CFTR: variants seen among roughly 807,000 people sequenced by gnomAD.
CFTR encodes the protein cystic fibrosis transmembrane conductance regulator.
CFTR carries 181 observed loss-of-function variants against 171.6 expected under a neutral mutation model. The observed-to-expected ratio is 1.05, with a 90% confidence interval of 0.93 to 1.19. CFTR has a LOEUF of 1.19. CFTR is among the 50% of genes most tolerant of loss of function. The pLI, the probability that CFTR is intolerant of heterozygous loss-of-function variation, is 0.00. For synonymous variants in CFTR, 583 were observed against 608.0 expected, an observed-to-expected ratio of 0.96 and a Z score of 0.60; for missense variants, 1,968 against 1,734.7, an observed-to-expected ratio of 1.13 and a Z score of -2.39.
At chr7:117,523,963 G>T (rs1429058436) in intron 3 of CFTR, among the ~76,000 whole-genome samples, 1 of 152,074 alleles carries the variant, frequency 6.6e-6, no homozygotes. Flanking sequence ...TTTCTCAGAA[G>T]CTTCTTTTTA....
chr7:117,485,273 G>A, intron 1 of CFTR, among the ~76,000 whole-genome samples: 1 of 152,124 alleles, frequency 6.6e-6, no homozygotes, highest in South Asian at 2.1e-4. Flanking sequence ...TTGTCAAAAC[G>A]TTAAAAACAT....
chr7:117,513,663 G>A lies in CFTR; in HGVS notation c.273+4521G>A, dbSNP rs35086442. ...CTCTCGGGAATTCTGTGCATAGAGA[G>A]CCTGTGGCTTAGGCACTTTGATTTA... On this transcript the variant is annotated intron_variant, in intron 3 of 26. Transcript: ENST00000003084. Among the ~76,000 whole-genome samples, 74 of 152,322 alleles carry A rather than the reference G, an allele frequency of 4.9e-4. No homozygotes were observed. The East Asian group carries it at 0.011, about 23-fold the overall frequency.
chr7:117,596,597 A>G (rs1317301043), intron 15 of CFTR, among the ~76,000 whole-genome samples: 5 of 152,196 alleles, frequency 3.3e-5, no homozygotes, highest in African/African-American at 1.2e-4. Context: ...GACTTGGAGG[A>G]TCTTTATGTC....
At position 117,554,492 on chromosome 7, in the gene CFTR, T is replaced by C. The variant is rs535192736; in HGVS notation, c.1393-4972T>C. On this transcript the variant is annotated intron_variant, in intron 10 of 26. Transcript: ENST00000003084. ...GGAATATTAAGTTTGAAATGCCTAT[T>C]TGACATCCAAATAGAGATGTTAGTT... Among the ~76,000 whole-genome samples, 11 of 152,244 alleles carry C rather than the reference T, an allele frequency of 7.2e-5. No homozygotes were observed. In the South Asian group the frequency reaches 2.3e-3, roughly 32 times the overall value.
intron 7 of CFTR, among the ~76,000 whole-genome samples, chr7:117,539,472 C>T (rs1799011972): frequency 6.6e-6 from 1 of 151,350 alleles, no homozygotes; most frequent in African/African-American, 2.4e-5. Context: ...GAGACTCATT[C>T]AGTCAGTATC....
intron 24 of CFTR, among the ~76,000 whole-genome samples, chr7:117,660,595 A>C (rs1040189466): frequency 6.6e-6 from 1 of 151,912 alleles, no homozygotes; most frequent in Admixed American, 6.6e-5. Context: ...GCACCACTGC[A>C]CTCCAGCCTG....
At chr7:117,537,920 G>A (rs543163929) in intron 7 of CFTR, among the ~76,000 whole-genome samples, 1 of 152,024 alleles carries the variant, frequency 6.6e-6, no homozygotes, top group African/African-American at 2.4e-5. Flanking sequence ...ATATAGCAAG[G>A]GTGATGACAA....
intron 23 of CFTR, among the ~76,000 whole-genome samples, chr7:117,648,191 CT>C (rs745896566): frequency 2.0e-5 from 3 of 151,526 alleles, no homozygotes; most frequent in Non-Finnish European, 4.4e-5. Flanking sequence ...ATATATTTCC[CT>C]TCTGAGACAA....
rs2116640433 is a variant in CFTR, at chr7:117,508,446, C to T, written c.165-588C>T. On this transcript the variant is annotated intron_variant, in intron 2 of 26. Transcript: ENST00000003084. ...AAAATATATAATTTGATCTTGTTCT[C>T]ATTTTTCAAAGACCTTTAATACATG... Among the ~76,000 whole-genome samples the T allele has an allele frequency of 2.0e-5, 3 of 152,262 alleles. No homozygotes were observed. The South Asian group carries it at 6.2e-4, about 32-fold the overall frequency.
chr7:117,609,498 T>C (rs973249350), intron 18 of CFTR, among the ~76,000 whole-genome samples: 2 of 152,214 alleles, frequency 1.3e-5, no homozygotes, highest in African/African-American at 4.8e-5. Context: ...AATGGATTAT[T>C]GTGAAGTACA....
chr7:117,570,822 G>A (rs1281928735), intron 11 of CFTR, among the ~76,000 whole-genome samples: 3 of 152,142 alleles, frequency 2.0e-5, no homozygotes, highest in Non-Finnish European at 1.5e-5. Context: ...TTGTAAAGGA[G>A]ATTATGATAC....
intron 17 of CFTR, chr7:117,604,783 A>T (rs1792278486): frequency 6.6e-6 from 1 of 152,178 alleles, no homozygotes; most frequent in African/African-American, 2.4e-5. Flanking sequence ...TAGACTCAAG[A>T]TGTCTAATTA....
chr7:117,481,294 C>T (rs1032102039), intron 1 of CFTR, among the ~76,000 whole-genome samples: 8 of 152,160 alleles, frequency 5.3e-5, no homozygotes, highest in Admixed American at 3.9e-4. Flanking sequence ...TGTTACTCCA[C>T]CTATAAAATC....
In CFTR at chr7:117,611,582, C is replaced by T; in HGVS notation, c.3141C>T (p.Gly1047=). ...SQQLKQLESE[G]RSPIFTHLVT... ...GTTTTCTATGGAAATATTTCACAGG[C>T]AGGAGTCCAATTTTCACTCATCTTG... is the stretch of plus-strand genomic sequence containing the variant. The change falls in exon 20 of 27, where the codon GGC becomes GGT. Residue 1047 remains glycine (G), a splice_region_variant and synonymous_variant. Coordinates refer to ENST00000003084, the MANE Select transcript of CFTR (RefSeq NM_000492.4). 1 of 1,579,200 alleles carries T rather than the reference C, an allele frequency of 6.3e-7. No homozygotes were observed. Among genetic ancestry groups the T allele is most frequent in the Non-Finnish European group, 8.7e-7 (1 of 1,148,794 alleles).
At chr7:117,575,462 C>T (rs751263253) in intron 11 of CFTR, among the ~76,000 whole-genome samples, 10 of 151,994 alleles carry the variant, frequency 6.6e-5, no homozygotes, top group Non-Finnish European at 1.2e-4. Flanking sequence ...CTTACAGAGG[C>T]CTTGCTAGAG....
At chr7:117,595,523 G>A (rs898867494) in intron 15 of CFTR, among the ~76,000 whole-genome samples, 83 of 151,176 alleles carry the variant, frequency 5.5e-4, no homozygotes, top group Admixed American at 1.4e-3. Flanking sequence ...AAAGATAAGA[G>A]TTTTTAATAG....
intron 11 of CFTR, among the ~76,000 whole-genome samples, chr7:117,573,830 T>C (rs1442866187): frequency 6.6e-6 from 1 of 152,144 alleles, no homozygotes; most frequent in African/African-American, 2.4e-5. Flanking sequence ...TAAATCTCAG[T>C]AATTTTTATG....
chr7:117,555,200 T>C (rs999251691), intron 10 of CFTR, among the ~76,000 whole-genome samples: 5 of 152,170 alleles, frequency 3.3e-5, no homozygotes, highest in African/African-American at 1.2e-4. Context: ...TATTTTATCA[T>C]TTGCTACTAT....
chr7:117,649,294 G>GTA (rs1562925114), intron 23 of CFTR, among the ~76,000 whole-genome samples: 2 of 150,236 alleles, frequency 1.3e-5, no homozygotes, highest in African/African-American at 4.9e-5. Context: ...GTGTGTGTGT[G>GTA]TGTGTGTGTA....
Sources: allele counts gnomAD v4.1 joint callset (sites outside exome capture counted in the v4.1 genomes callset), GRCh38; gene constraint gnomAD v4.1.1; transcripts MANE v1.5; gene names NCBI Gene and HGNC (gene_info 2026-07-23, HGNC 2026-07-21).